Variants in ZNF420 observed in about 807,000 individuals in gnomAD.
ZNF420 encodes ATM and p53-associated KZNF protein.
Under a neutral mutation model 44.7 loss-of-function variants are expected in ZNF420, and 31 were observed. That is an observed-to-expected ratio of 0.69 (90% confidence interval 0.52 to 0.94). The LOEUF is 0.94. Among genes scored for constraint, ZNF420 ranks in the 40% least tolerant of loss-of-function variants. The pLI, the probability that ZNF420 is intolerant of heterozygous loss-of-function variation, is 0.00. For missense variants in ZNF420, 681 were observed against 827.9 expected (o/e 0.82, Z 2.18); for synonymous variants, 245 against 267.4 (o/e 0.92, Z 0.82).
At chr19:37,036,919 T>C (rs1967365441) in intron 1 of ZNF420, among the ~76,000 whole-genome samples, 1 of 152,236 alleles carries the variant, frequency 6.6e-6, no homozygotes, top group Non-Finnish European at 1.5e-5. Context: ...AAGGTCAAAG[T>C]TGAGTGTAGA....
chr19:37,008,883 A>G (rs1170252329), intron 1 of ZNF420, among the ~76,000 whole-genome samples: 1 of 152,174 alleles, frequency 6.6e-6, no homozygotes, highest in Non-Finnish European at 1.5e-5. Context: ...ATCAGGGAGA[A>G]ACTTCAAGGA....
chr19:37,023,313 G>A (rs2074663116), intron 1 of ZNF420, among the ~76,000 whole-genome samples: 1 of 152,066 alleles, frequency 6.6e-6, no homozygotes, highest in African/African-American at 2.4e-5. Flanking sequence ...CCTCTATTAC[G>A]AATGGTTCGA....
chr19:37,052,534 C>G (rs142767234), intron 1 of ZNF420, among the ~76,000 whole-genome samples: 3,676 of 152,188 alleles, frequency 0.024, 156 homozygotes, highest in African/African-American at 0.083. Flanking sequence ...GCTTCCTTCA[C>G]GAGCTCTTTT....
chr19:37,084,562 T>C (rs531264237), intron 2 of ZNF420, among the ~76,000 whole-genome samples: 66 of 152,280 alleles, frequency 4.3e-4, no homozygotes, highest in South Asian at 1.7e-3. Flanking sequence ...CAGACTGCTG[T>C]CTCCTTTTTC....
intron 1 of ZNF420, among the ~76,000 whole-genome samples, chr19:37,041,957 G>A (rs932306524): frequency 1.3e-5 from 2 of 152,036 alleles, no homozygotes; most frequent in Non-Finnish European, 2.9e-5. Context: ...TCAAGACTTT[G>A]TAGTATTCTC....
chr19:37,017,271 C>A (rs1228607979), intron 1 of ZNF420, among the ~76,000 whole-genome samples: 2 of 152,062 alleles, frequency 1.3e-5, no homozygotes, highest in Non-Finnish European at 2.9e-5. Flanking sequence ...GGGACTGAGC[C>A]CCTGGCCTGT....
intron 1 of ZNF420, among the ~76,000 whole-genome samples, chr19:37,030,176 G>A (rs112857724): frequency 6.6e-6 from 1 of 151,494 alleles, no homozygotes; most frequent in East Asian, 1.9e-4. Flanking sequence ...TGTTGTTGTT[G>A]TTTGAGAGGG....
intron 1 of ZNF420, among the ~76,000 whole-genome samples, chr19:37,014,294 T>C (rs1177769315): frequency 1.3e-5 from 2 of 152,210 alleles, no homozygotes; most frequent in East Asian, 3.9e-4. Context: ...AGTGAGCTCA[T>C]GAAACAGGGA....
Position 37,082,089 on chromosome 19 carries a change from C to T in ZNF420, c.-81+1701C>T, listed in dbSNP as rs573035864. On this transcript the variant is annotated intron_variant, in intron 2 of 4. Transcript: ENST00000337995. ...TTTAACCTGTTTGTGTTTGGTATTT[C>T]AAGTGCATTTCTTACAGGCAGCATG... Among the ~76,000 whole-genome samples, 6 of 152,126 alleles carry T rather than the reference C, an allele frequency of 3.9e-5. No individual in the cohort carries two copies. In the South Asian group the frequency reaches 1.2e-3, roughly 32 times the overall value.
At chr19:37,085,936 T>TTTATTATTATTA (rs34624393) in intron 2 of ZNF420, among the ~76,000 whole-genome samples, 18 of 137,758 alleles carry the variant, frequency 1.3e-4, no homozygotes, top group South Asian at 2.4e-4. Context: ...TGGCTGATGT[T>TTTATTATTATTA]TTATTATTAT....
intron 4 of ZNF420, among the ~76,000 whole-genome samples, chr19:37,097,441 A>T (rs1969521041): frequency 6.6e-6 from 1 of 152,006 alleles, no homozygotes; most frequent in African/African-American, 2.4e-5. Flanking sequence ...TTGTACCTTT[A>T]AAAAAAGGCA....
chr19:37,108,258 T>C (rs1188888252), intron 4 of ZNF420: 1 of 152,196 alleles, frequency 6.6e-6, no homozygotes, highest in Non-Finnish European at 1.5e-5. Flanking sequence ...AATGAATCTT[T>C]TGGATCTATT....
chr19:37,053,468 G>GT (rs1163062099), intron 1 of ZNF420, among the ~76,000 whole-genome samples: 3 of 152,152 alleles, frequency 2.0e-5, no homozygotes, highest in African/African-American at 7.2e-5. Context: ...TTTCTGCTCT[G>GT]TTTTTTCCCC....
chr19:37,090,461 A>G (rs914349068), intron 3 of ZNF420, among the ~76,000 whole-genome samples: 7 of 152,154 alleles, frequency 4.6e-5, no homozygotes, highest in East Asian at 1.9e-4. Context: ...GTGAGCTATG[A>G]TGGTGCCACT....
intron 2 of ZNF420, among the ~76,000 whole-genome samples, chr19:37,082,185 CAG>C (rs1968505076): frequency 6.6e-6 from 1 of 152,058 alleles, no homozygotes; most frequent in African/African-American, 2.4e-5. Context: ...GTTGTTGAGA[CAG>C]AGTCTCACTC....
Position 37,127,565 on chromosome 19 carries a change from G to A in ZNF420, c.574G>A (p.Glu192Lys). The A allele has an allele frequency of 1.2e-6, 2 of 1,614,014 alleles. No homozygotes were observed. The highest frequency in any genetic ancestry group is 1.7e-6 in the Non-Finnish European group (2 of 1,179,950). ...LSLHQRLHTGEKPYACKECGK... is the reference protein window; with the variant it reads ...LSLHQRLHTGKKPYACKECGK... ...TCTTCATCAGAGACTTCATACTGGT[G>A]AGAAACCCTATGCATGTAAGGAATG... is the stretch of plus-strand genomic sequence containing the variant. The change falls in exon 5 of 5, where the codon GAG becomes AAG. Residue 192 changes from glutamate to lysine, a missense_variant. Coordinates refer to ENST00000337995, the MANE Select transcript of ZNF420 (RefSeq NM_144689.5).
rs567084569 is a variant in ZNF420, at chr19:37,117,183, G to A, written c.137-9945G>A. 2.1e-3 allele frequency among the ~76,000 whole-genome samples: 320 copies of A among 152,332 alleles called. 4 individuals are homozygous for A. Among genetic ancestry groups the A allele is most frequent in the Non-Finnish European group, 3.8e-4 (26 of 68,040 alleles). On this transcript the variant is annotated intron_variant, in intron 4 of 4. Transcript: ENST00000337995. ...CAAGTGGGTCCCTGACCCCCGAGCA[G>A]CCTAACTGGGAGGCACCCCCCAGTA...
intron 4 of ZNF420, among the ~76,000 whole-genome samples, chr19:37,121,560 C>G (rs982672636): frequency 6.6e-6 from 1 of 152,136 alleles, no homozygotes; most frequent in Non-Finnish European, 1.5e-5. Flanking sequence ...AGGACATAGG[C>G]ATGGGCAAGG....
At chr19:37,016,493 T>C (rs1429142182) in intron 1 of ZNF420, among the ~76,000 whole-genome samples, 1 of 152,184 alleles carries the variant, frequency 6.6e-6, no homozygotes, top group Non-Finnish European at 1.5e-5. Context: ...GTGCTTTGCT[T>C]GTCCTTCCCT....
Sources: allele counts gnomAD v4.1 joint callset (sites outside exome capture counted in the v4.1 genomes callset), GRCh38; gene constraint gnomAD v4.1.1; transcripts MANE v1.5; gene names NCBI Gene and HGNC (gene_info 2026-07-23, HGNC 2026-07-21).